The following SLCO1A2 variants were observed in gnomAD, a reference collection of about 807,000 sequenced individuals.
SLCO1A2 encodes solute carrier organic anion transporter family member 1A2.
SLCO1A2 carries 67 observed loss-of-function variants against 69.0 expected under a neutral mutation model. That is an observed-to-expected ratio of 0.97 (90% CI 0.80 to 1.19). The LOEUF (loss-of-function observed/expected upper bound fraction) is 1.19, where lower values mean the gene tolerates loss of function less well. Among genes scored for constraint, SLCO1A2 ranks in the 50% most tolerant of loss-of-function variants. The pLI is 0.00. For synonymous variants in SLCO1A2, 260 were observed against 265.9 expected, an observed-to-expected ratio of 0.98 and a Z score of 0.22; for missense variants, 787 against 793.7, an observed-to-expected ratio of 0.99 and a Z score of 0.10.
chr12:21,364,257 A>C (rs1939186998), intron 2 of SLCO1A2, among the ~76,000 whole-genome samples: 1 of 152,232 alleles, frequency 6.6e-6, no homozygotes, highest in Non-Finnish European at 1.5e-5. Context: ...GCAAATCAAT[A>C]AACATAATCC....
intron 1 of SLCO1A2, among the ~76,000 whole-genome samples, chr12:21,408,845 C>T (rs371854171): frequency 6.6e-6 from 1 of 152,042 alleles, no homozygotes; most frequent in East Asian, 1.9e-4. Flanking sequence ...GATGGAGAAA[C>T]TTATGTCCAA....
At chr12:21,320,945 C>G (rs1951531482) in intron 2 of SLCO1A2, among the ~76,000 whole-genome samples, 1 of 152,170 alleles carries the variant, frequency 6.6e-6, no homozygotes, top group Non-Finnish European at 1.5e-5. Flanking sequence ...GTTAGCTACT[C>G]TAGCTACCAC....
intron 14 of SLCO1A2, 49 bp downstream of exon 14, chr12:21,274,420 T>C (rs1943425437): frequency 1.6e-6 from 2 of 1,230,210 alleles, no homozygotes; most frequent in Middle Eastern, 1.9e-4. Flanking sequence ...TGCTGCGTTA[T>C]GCACAGTCTA....
intron 9 of SLCO1A2, 84 bp downstream of exon 9, chr12:21,297,320 T>G: frequency 1.1e-6 from 1 of 922,108 alleles, no homozygotes; most frequent in Non-Finnish European, 1.5e-6. Flanking sequence ...CTAAAACACT[T>G]CAACTTAGGA....
chr12:21,316,872 C>G (rs1257416018), intron 3 of SLCO1A2, among the ~76,000 whole-genome samples: 1 of 152,126 alleles, frequency 6.6e-6, no homozygotes, highest in South Asian at 2.1e-4. Context: ...AACTTTGTCA[C>G]CAATTGTCAC....
At chr12:21,407,857 A>G (rs1941847288) in intron 1 of SLCO1A2, among the ~76,000 whole-genome samples, 1 of 151,484 alleles carries the variant, frequency 6.6e-6, no homozygotes, top group Non-Finnish European at 1.5e-5. Flanking sequence ...TGCTCTGTGG[A>G]GACAGGACTG....
At chr12:21,351,053 A>G (rs1011742087) in intron 2 of SLCO1A2, among the ~76,000 whole-genome samples, 1 of 152,160 alleles carries the variant, frequency 6.6e-6, no homozygotes, top group Non-Finnish European at 1.5e-5. Context: ...CCTGTATTCC[A>G]ACCCAGTTTG....
At chr12:21,406,077 G>A (rs1218559975) in intron 1 of SLCO1A2, among the ~76,000 whole-genome samples, 1 of 152,226 alleles carries the variant, frequency 6.6e-6, no homozygotes, top group African/African-American at 2.4e-5. Context: ...CTGGTTGAAG[G>A]AAGAAAGAAA....
intron 2 of SLCO1A2, among the ~76,000 whole-genome samples, chr12:21,323,612 A>ATATC (rs1280885654): frequency 3.3e-5 from 5 of 152,104 alleles, no homozygotes; most frequent in Non-Finnish European, 7.4e-5. Flanking sequence ...TTAAAAATAC[A>ATATC]TATCTATCTA....
intron 2 of SLCO1A2, chr12:21,319,437 A>G (rs1316906539): frequency 7.3e-7 from 1 of 1,367,682 alleles, no homozygotes; most frequent in African/African-American, 1.5e-5. Context: ...CTGCATTCTC[A>G]GCAATGAGGG....
intron 2 of SLCO1A2, among the ~76,000 whole-genome samples, chr12:21,348,151 C>T (rs1293459614): frequency 6.6e-6 from 1 of 152,102 alleles, no homozygotes; most frequent in African/African-American, 2.4e-5. Flanking sequence ...TTATGGGGTA[C>T]ATGAGAAGGG....
rs1418152947 is a variant in SLCO1A2 at position 21,275,879 on chromosome 12, T to A, written c.1611-455A>T. ...ATCACTTGAACCTGGGAGGCAGAGG[T>A]TGCAATGAGCTGAAATTGCGCCACT... On this transcript the variant is annotated intron_variant, in intron 12 of 14. Coordinates refer to ENST00000683939, the MANE Select transcript of SLCO1A2 (RefSeq NM_001386879.1). Among the ~76,000 whole-genome samples, 3 of 151,970 alleles carry A rather than the reference T, an allele frequency of 2.0e-5. No individual in the cohort carries two copies. The East Asian group carries it at 5.8e-4, about 29-fold the overall frequency.
chr12:21,329,955 T>A (rs139795497), intron 2 of SLCO1A2, among the ~76,000 whole-genome samples: 39 of 151,982 alleles, frequency 2.6e-4, no homozygotes, highest in African/African-American at 7.7e-4. Context: ...ACCAGATTAG[T>A]CTTACCCAAA....
At chr12:21,304,303 C>A in intron 6 of SLCO1A2, 124 bp downstream of exon 6, 1 of 714,028 alleles carries the variant, frequency 1.4e-6, no homozygotes. Flanking sequence ...TATGGAAGGC[C>A]AACTGTGCCA....
intron 2 of SLCO1A2, among the ~76,000 whole-genome samples, chr12:21,321,735 A>C (rs17333047): frequency 0.096 from 14,591 of 152,164 alleles, 942 homozygotes; most frequent in Non-Finnish European, 0.15. Context: ...TCAATATATA[A>C]TTCATTCTCA....
intron 5 of SLCO1A2, 89 bp from the exon 6 acceptor site, chr12:21,304,662 G>T: frequency 1.7e-6 from 2 of 1,211,832 alleles, no homozygotes; most frequent in Non-Finnish European, 2.3e-6. Flanking sequence ...GCATTTCACA[G>T]TTATATGACC....
chr12:21,315,402 G>C (rs1950742171), intron 3 of SLCO1A2, among the ~76,000 whole-genome samples: 1 of 152,140 alleles, frequency 6.6e-6, no homozygotes, highest in Admixed American at 6.5e-5. Context: ...ACAGATCCTT[G>C]AAGAGTGTGG....
At chr12:21,331,166 C>A (rs903525713) in intron 2 of SLCO1A2, among the ~76,000 whole-genome samples, 4 of 151,912 alleles carry the variant, frequency 2.6e-5, no homozygotes, top group African/African-American at 9.7e-5. Context: ...GAAGAATCTG[C>A]CCATGACTCT....
intron 2 of SLCO1A2, among the ~76,000 whole-genome samples, chr12:21,358,219 C>T (rs1338858636): frequency 6.6e-6 from 1 of 152,146 alleles, no homozygotes; most frequent in Non-Finnish European, 1.5e-5. Flanking sequence ...CAAAGTGAAT[C>T]TGTGATACAA....
Sources: gnomAD v4.1 joint callset for allele counts (sites outside exome capture counted in the v4.1 genomes callset) on GRCh38, gnomAD v4.1.1 for gene constraint, MANE v1.5 for transcripts, NCBI Gene and HGNC (gene_info 2026-07-23, HGNC 2026-07-21) for gene names.